The following CAMKK2 variants were observed in gnomAD, a reference collection of about 807,000 sequenced individuals.
CAMKK2 encodes the protein calcium/calmodulin dependent protein kinase kinase 2.
In CAMKK2, 30 loss-of-function variants were observed where a neutral mutation model predicts 67.2. The ratio of observed to expected loss-of-function variants is 0.45; its 90% CI spans 0.33 to 0.61. CAMKK2 has a LOEUF of 0.61. Ranked by LOEUF, CAMKK2 falls within the 20% of genes least tolerant of loss-of-function variation. The probability of loss-of-function intolerance (pLI) is 0.02; values close to 1 mark genes in which losing one functional copy is unlikely to be tolerated. For synonymous variants in CAMKK2, 322 were observed against 326.2 expected, an observed-to-expected ratio of 0.99 and a Z score of 0.14; for missense variants, 643 against 802.0, an observed-to-expected ratio of 0.80 and a Z score of 2.39.
At position 121,253,127 on chromosome 12, in the gene CAMKK2, A is replaced by T. The variant is rs1891119540; in HGVS notation, c.1107+146T>A. 3 of 692,724 alleles carry T rather than the reference A, an allele frequency of 4.3e-6. No individual in the cohort carries two copies. Among genetic ancestry groups the T allele is most frequent in the Non-Finnish European group, 4.9e-6 (2 of 405,962 alleles). The allele number at this position is 692,724 out of a possible 1,614,324, so 42.9% of individuals were successfully genotyped here. A position where few individuals can be genotyped will look rare whatever the true frequency, so the allele number is the denominator to read the frequency against. On this transcript the variant is annotated intron_variant, in intron 10 of 16. Coordinates refer to ENST00000404169, the MANE Select transcript of CAMKK2 (RefSeq NM_001270485.2). The surrounding 1 kb of genome is among the most constrained non-coding windows in gnomAD (Gnocchi z 5.0). ...AGATGGTTTCTGTTTGAGTCCCTGG[A>T]TCTAGCCAAGCCTGAAGCCTACCCC...
chr12:121,268,283 A>G (rs1409409905), intron 5 of CAMKK2, among the ~76,000 whole-genome samples: 1 of 151,908 alleles, frequency 6.6e-6, no homozygotes, highest in Admixed American at 6.6e-5. Flanking sequence ...TATAAGTAGG[A>G]GTGAAATTAC....
intron 6 of CAMKK2, among the ~76,000 whole-genome samples, chr12:121,263,251 G>A (rs1048226917): frequency 2.2e-5 from 2 of 90,382 alleles, no homozygotes; most frequent in African/African-American, 1.6e-4. Flanking sequence ...TCAGCCCTCT[G>A]TCTGGTTTGT....
chr12:121,260,254 G>A (rs1303018106), intron 7 of CAMKK2, 65 bp downstream of exon 7: 1 of 1,398,856 alleles, frequency 7.1e-7, no homozygotes, highest in African/African-American at 1.5e-5. Flanking sequence ...TGCCTCGAGA[G>A]GACCCCTGGG....
intron 1 of CAMKK2, among the ~76,000 whole-genome samples, chr12:121,287,962 G>A (rs1343754658): frequency 6.6e-6 from 1 of 152,068 alleles, no homozygotes; most frequent in African/African-American, 2.4e-5. Context: ...ACAGAGAAAG[G>A]CTCTGTCTCG....
At chr12:121,279,412 C>G (rs1352217065) in intron 1 of CAMKK2, among the ~76,000 whole-genome samples, 1 of 152,192 alleles carries the variant, frequency 6.6e-6, no homozygotes, top group African/African-American at 2.4e-5. Flanking sequence ...GTTTGGGGGT[C>G]ACAGACCCTA....
intron 7 of CAMKK2, among the ~76,000 whole-genome samples, chr12:121,258,618 T>C (rs1892828700): frequency 6.6e-6 from 1 of 152,036 alleles, no homozygotes; most frequent in South Asian, 2.1e-4. Context: ...GAAAGTAAAA[T>C]ATAACCGTGT....
chr12:121,273,096 G>A (rs868298616), intron 2 of CAMKK2, among the ~76,000 whole-genome samples: 3 of 152,096 alleles, frequency 2.0e-5, no homozygotes, highest in African/African-American at 7.2e-5. Context: ...CTAAACCAAC[G>A]CACAGATAAT....
chr12:121,273,938 A>C (rs1896268166), intron 2 of CAMKK2, 118 bp downstream of exon 2: 1 of 806,794 alleles, frequency 1.2e-6, no homozygotes, highest in South Asian at 2.4e-5. Flanking sequence ...GTCAACTCCT[A>C]GGTCAACCGT....
intron 11 of CAMKK2, among the ~76,000 whole-genome samples, 186 bp from the exon 12 acceptor site, chr12:121,250,220 G>A (rs1334417555): frequency 2.0e-5 from 3 of 152,034 alleles, no homozygotes; most frequent in South Asian, 4.2e-4. Context: ...GGGCCTGGCC[G>A]ACGCAGGGCA....
intron 1 of CAMKK2, among the ~76,000 whole-genome samples, chr12:121,279,986 C>G (rs1304134674): frequency 6.6e-6 from 1 of 152,262 alleles, no homozygotes; most frequent in Non-Finnish European, 1.5e-5. Flanking sequence ...CCGGACACAC[C>G]TGTGCAGGCT....
At chr12:121,270,365 G>C (rs1209993283) in intron 3 of CAMKK2, among the ~76,000 whole-genome samples, 1 of 140,192 alleles carries the variant, frequency 7.1e-6, no homozygotes. Flanking sequence ...GCAACACCCT[G>C]TCTAAAAAAA....
intron 1 of CAMKK2, among the ~76,000 whole-genome samples, chr12:121,286,754 G>A (rs1329093994): frequency 6.6e-6 from 1 of 152,144 alleles, no homozygotes; most frequent in Non-Finnish European, 1.5e-5. Context: ...GGGAAACTGA[G>A]GCACAGAGAG....
intron 6 of CAMKK2, chr12:121,260,577 C>T (rs951654246): frequency 1.4e-5 from 8 of 567,006 alleles, no homozygotes; most frequent in Non-Finnish European, 2.2e-5. Context: ...GTCTGATCCT[C>T]GAGGATCTGA....
Position 121,240,721 on chromosome 12 carries a change from T to C in CAMKK2, c.1745A>G (p.Glu582Gly). The C allele has an allele frequency of 6.2e-7, 1 of 1,606,446 alleles. No homozygotes were observed. Among genetic ancestry groups the C allele is most frequent in the South Asian group, 1.1e-5 (1 of 90,482 alleles). Residue 582 changes from glutamate to glycine, a missense_variant, in exon 17 of 17, where the codon GAG becomes GGG. This residue lies in a region of CAMKK2 where 140 missense variants were observed against 124.2 expected (regional missense o/e 1.13). Coordinates refer to ENST00000404169, the MANE Select transcript of CAMKK2 (RefSeq NM_001270485.2). The surrounding 1 kb of genome is among the most constrained non-coding windows in gnomAD (Gnocchi z 4.4). Reference sequence around the variant, plus strand: ...CAGCTACTCGGGCTCCATGGCCTCCTCCGGCCGCAGTGGATGCATGCGTGC... The same window carrying C: ...CAGCTACTCGGGCTCCATGGCCTCCCCCGGCCGCAGTGGATGCATGCGTGC... ...SPARMHPLRP[E>G]EAMEPE
chr12:121,294,400 C>T (rs1266436901), intron 1 of CAMKK2, among the ~76,000 whole-genome samples: 1 of 152,232 alleles, frequency 6.6e-6, no homozygotes, highest in African/African-American at 2.4e-5. Context: ...GGACCACCCC[C>T]GGATGAGAAC....
intron 5 of CAMKK2, among the ~76,000 whole-genome samples, chr12:121,267,170 C>T (rs563495131): frequency 2.1e-4 from 27 of 129,634 alleles, no homozygotes; most frequent in African/African-American, 8.2e-4. Flanking sequence ...AGTGCAGTGG[C>T]GCAATCTCAG....
At chr12:121,254,327 G>A (rs760813378) in intron 9 of CAMKK2, among the ~76,000 whole-genome samples, 14 of 151,946 alleles carry the variant, frequency 9.2e-5, no homozygotes, top group Non-Finnish European at 1.5e-4. Flanking sequence ...GCATGGTGGC[G>A]TACACCTGTA....
chr12:121,255,499 C>A, intron 9 of CAMKK2, 51 bp downstream of exon 9: 1 of 1,487,080 alleles, frequency 6.7e-7, no homozygotes, highest in Non-Finnish European at 9.2e-7. Context: ...CACCCACGCT[C>A]AGAATGCTAA....
At chr12:121,264,005 A>C (rs1894008025) in intron 5 of CAMKK2, 66 bp from the exon 6 acceptor site, 1 of 1,415,116 alleles carries the variant, frequency 7.1e-7, no homozygotes, top group Non-Finnish European at 9.4e-7. Context: ...GGGCAGCTGC[A>C]GGTGGGATGC....
Sources: allele counts gnomAD v4.1 joint callset (sites outside exome capture counted in the v4.1 genomes callset), GRCh38; gene constraint gnomAD v4.1.1; regional missense constraint gnomAD v4.1.1; non-coding constraint Gnocchi (gnomAD v3.1); transcripts MANE v1.5; gene names NCBI Gene and HGNC (gene_info 2026-07-23, HGNC 2026-07-21).